DCAF5: variants seen among roughly 807,000 people sequenced by gnomAD.
DCAF5 encodes the protein DDB1 and CUL4 associated factor 5.
Under a neutral mutation model 80.7 loss-of-function variants are expected in DCAF5, and 9 were observed. That is an observed-to-expected ratio of 0.11 (90% CI 0.07 to 0.19). DCAF5 has a LOEUF of 0.19. Among genes scored for constraint, DCAF5 ranks in the 10% least tolerant of loss-of-function variants. The pLI is 1.00. For missense variants in DCAF5, 842 were observed against 1,205.7 expected (o/e 0.70, Z 4.47); for synonymous variants, 433 against 461.9 (o/e 0.94, Z 0.80).
At chr14:69,078,114 A>C (rs1278303692) in intron 6 of DCAF5, among the ~76,000 whole-genome samples, 2 of 152,232 alleles carry the variant, frequency 1.3e-5, no homozygotes, top group Non-Finnish European at 2.9e-5. Flanking sequence ...GCTCAAGACA[A>C]GGAAACTCAT....
In DCAF5 at chr14:69,119,234, C is replaced by T. The variant is rs1054043776; in HGVS notation, c.359-4G>A. The T allele has an allele frequency of 2.2e-5, 36 of 1,612,542 alleles. No homozygotes were observed. The highest frequency in any genetic ancestry group is 3.1e-5 in the Non-Finnish European group (36 of 1,179,550). ...AGGATAACTTGCTCATCATTGCCTG[C>T]AAAAGAAAAAAGCAGACATCTGATC... On this transcript the variant is annotated splice_region_variant and splice_polypyrimidine_tract_variant and intron_variant, in intron 2 of 8. Coordinates refer to ENST00000341516, the MANE Select transcript of DCAF5 (RefSeq NM_003861.3).
chr14:69,152,690 G>C lies in DCAF5; in HGVS notation c.214+75C>G. ...GGGTGGGGACAGAGGGCAGGAGGAG[G>C]GTGACGGGGGAGAGCGAGAGGGGGA... On this transcript the variant is annotated intron_variant, in intron 1 of 8. Transcript: ENST00000341516. The surrounding 1 kb of genome is among the most constrained non-coding windows in gnomAD (Gnocchi z 4.1). 1 of 1,130,820 alleles carries C rather than the reference G, an allele frequency of 8.8e-7. No homozygotes were observed. The highest frequency in any genetic ancestry group is 1.3e-6 in the Non-Finnish European group (1 of 788,586). The allele number at this position is 1,130,820 out of a possible 1,614,324, so 70.0% of individuals were successfully genotyped here. A position where few individuals can be genotyped will look rare whatever the true frequency, so the allele number is the denominator to read the frequency against.
intron 7 of DCAF5, among the ~76,000 whole-genome samples, chr14:69,066,539 T>C (rs2038450579): frequency 6.6e-6 from 1 of 152,188 alleles, no homozygotes; most frequent in Non-Finnish European, 1.5e-5. Flanking sequence ...GGGAAGACTA[T>C]AACCATATCT....
chr14:69,115,585 A>G (rs2040517679), intron 5 of DCAF5, among the ~76,000 whole-genome samples: 1 of 152,176 alleles, frequency 6.6e-6, no homozygotes, highest in Non-Finnish European at 1.5e-5. Context: ...TTAATACAGC[A>G]TGGCCAACTT....
At chr14:69,141,451 C>T (rs922502486) in intron 1 of DCAF5, among the ~76,000 whole-genome samples, 1 of 152,022 alleles carries the variant, frequency 6.6e-6, no homozygotes, top group African/African-American at 2.4e-5. Flanking sequence ...TGTGCTACAC[C>T]CATTAACTCG....
intron 6 of DCAF5, chr14:69,089,585 T>C (rs1215184427): frequency 6.6e-6 from 1 of 152,216 alleles, no homozygotes; most frequent in Non-Finnish European, 1.5e-5. Context: ...TTTATAATTA[T>C]ATATAAACTG....
At chr14:69,081,791 T>C (rs1268251004) in intron 6 of DCAF5, among the ~76,000 whole-genome samples, 1 of 152,142 alleles carries the variant, frequency 6.6e-6, no homozygotes, top group African/African-American at 2.4e-5. Flanking sequence ...TGGTGCGTGC[T>C]TACACAGGAT....
intron 1 of DCAF5, among the ~76,000 whole-genome samples, chr14:69,146,369 T>C (rs1352546768): frequency 6.6e-6 from 1 of 152,208 alleles, no homozygotes; most frequent in Non-Finnish European, 1.5e-5. Flanking sequence ...CAACCTTTGA[T>C]AGGTATCAAT....
In DCAF5 at chr14:69,119,226, A is replaced by G; in HGVS notation, c.363T>C (p.Asn121=). 1.9e-6 allele frequency: 3 copies of G among 1,613,594 alleles called. No homozygotes were observed. The highest frequency in any genetic ancestry group is 2.5e-6 in the Non-Finnish European group (3 of 1,179,824). Residue 121 remains asparagine (N), a synonymous_variant, in exon 3 of 9, where the codon AAT becomes AAC. Coordinates refer to ENST00000341516, the MANE Select transcript of DCAF5 (RefSeq NM_003861.3). ...CATCATGGAGGATAACTTGCTCATC[A>G]TTGCCTGCAAAAGAAAAAAGCAGAC... ...SGNTKVFSGG[N]DEQVILHDVE... is the part of the protein sequence containing the mutation.
chr14:69,124,340 T>C (rs989504056), intron 1 of DCAF5, among the ~76,000 whole-genome samples: 1 of 152,222 alleles, frequency 6.6e-6, no homozygotes, highest in Admixed American at 6.5e-5. Flanking sequence ...GTATATACTG[T>C]TGGAAAACTT....
At chr14:69,101,239 C>A (rs562255898) in intron 5 of DCAF5, among the ~76,000 whole-genome samples, 1 of 152,338 alleles carries the variant, frequency 6.6e-6, no homozygotes, top group Admixed American at 6.5e-5. Flanking sequence ...CAGCATCAGA[C>A]TGCAATGCAT....
rs1659912289 is a variant in DCAF5, at chr14:69,054,064, C to T, written c.2622G>A (p.Leu874=). 1 of 1,614,042 alleles carries T rather than the reference C, an allele frequency of 6.2e-7. No homozygotes were observed. ...AATCTTTGTGTAGGAGTGTCCCTGT[C>T]AGGGACGAGTTATCACGGTCAGTGT... ...HSDTDRDNSS[L]TGTLLHKDCC... is the part of the protein sequence containing the mutation. Residue 874 remains leucine, a synonymous_variant, in exon 9 of 9, where the codon CTG becomes CTA. Transcript: ENST00000341516.
At chr14:69,063,401 C>T (rs1179657430) in intron 7 of DCAF5, among the ~76,000 whole-genome samples, 1 of 152,204 alleles carries the variant, frequency 6.6e-6, no homozygotes, top group East Asian at 1.9e-4. Flanking sequence ...TGATCAAGTT[C>T]CTTCTGAGCA....
At chr14:69,079,530 T>C (rs1209854910) in intron 6 of DCAF5, among the ~76,000 whole-genome samples, 2 of 152,202 alleles carry the variant, frequency 1.3e-5, no homozygotes, top group South Asian at 4.1e-4. Context: ...ATCACAAAAC[T>C]GTCCTGCAGA....
chr14:69,116,647 C>T (rs1336378143), intron 4 of DCAF5, 152 bp from the exon 5 acceptor site: 1 of 845,968 alleles, frequency 1.2e-6, no homozygotes, highest in African/African-American at 1.7e-5. Context: ...CCACCAGTCA[C>T]CTCTACTTAC....
intron 5 of DCAF5, among the ~76,000 whole-genome samples, chr14:69,105,286 A>C (rs11158789): frequency 0.68 from 103,528 of 151,998 alleles, 35,581 homozygotes; most frequent in East Asian, 0.97. Flanking sequence ...ATATCCATAT[A>C]TGTATAATGT....
chr14:69,128,303 C>T (rs1263361053), intron 1 of DCAF5, among the ~76,000 whole-genome samples: 1 of 151,648 alleles, frequency 6.6e-6, no homozygotes, highest in Non-Finnish European at 1.5e-5. Context: ...TATCCTGCCT[C>T]GGCTCCATGG....
rs751152443 is a variant in DCAF5, at chr14:69,053,918, C to T, written c.2768G>A (p.Arg923Gln). ...VHGHSGLKRQ[R>Q]IELEDTDSEN... is the part of the protein sequence containing the mutation. ...TGAATCTGTATCTTCCAATTCAATT[C>T]GTTGCCTTTTGAGGCCACTGTGGCC... Residue 923 changes from arginine to glutamine, a missense_variant, in exon 9 of 9, where the codon CGA becomes CAA. Arg to Gln is a conservative substitution (Grantham distance 43). This residue lies in a region of DCAF5 where 607 missense variants were observed against 656.6 expected (regional missense o/e 0.92). Transcript: ENST00000341516. 29 of 1,611,428 alleles carry T rather than the reference C, an allele frequency of 1.8e-5. No individual in the cohort carries two copies. Among genetic ancestry groups the T allele is most frequent in the Admixed American group, 1.7e-4 (10 of 59,568 alleles).
chr14:69,128,960 G>GA (rs898688187), intron 1 of DCAF5, among the ~76,000 whole-genome samples: 16 of 150,158 alleles, frequency 1.1e-4, no homozygotes, highest in African/African-American at 2.9e-4. Flanking sequence ...TCTACTAAAA[G>GA]AAAAAAAAAG....
Sources: gnomAD v4.1 joint callset for allele counts (sites outside exome capture counted in the v4.1 genomes callset) on GRCh38, gnomAD v4.1.1 for gene constraint, gnomAD v4.1.1 regional missense constraint, Gnocchi (gnomAD v3.1) non-coding constraint, MANE v1.5 for transcripts, NCBI Gene and HGNC (gene_info 2026-07-23, HGNC 2026-07-21) for gene names.